Variants in ZNF324B observed in about 807,000 individuals in gnomAD.
ZNF324B encodes zinc finger protein 324B.
ZNF324B carries 7 observed loss-of-function variants against 10.6 expected under a neutral mutation model. That is an observed-to-expected ratio of 0.66 (90% CI 0.38 to 1.24). ZNF324B has a LOEUF of 1.24. Among genes scored for constraint, ZNF324B ranks in the 50% most tolerant of loss-of-function variants. The probability of loss-of-function intolerance (pLI) is 0.02; values close to 1 mark genes in which losing one functional copy is unlikely to be tolerated. For synonymous variants in ZNF324B, 316 were observed against 321.0 expected (o/e 0.98, Z 0.17); for missense variants, 640 against 764.7 (o/e 0.84, Z 1.92).
At chr19:58,422,003 C>T in the ZNF324B span, among the ~76,000 whole-genome samples, 22 of 152,188 alleles carry the variant, frequency 1.4e-4, no homozygotes, top group African/African-American at 4.8e-4. Context: ...CTGCAACCTC[C>T]GCGTCCCGGG....
the ZNF324B span, among the ~76,000 whole-genome samples, chr19:58,425,398 T>A: frequency 1.3e-5 from 2 of 150,620 alleles, no homozygotes; most frequent in Non-Finnish European, 3.0e-5. Context: ...CTCTTTTCCT[T>A]ATAAACTATC....
chr19:58,420,459 C>T, the ZNF324B span, among the ~76,000 whole-genome samples: 12 of 151,200 alleles, frequency 7.9e-5, no homozygotes, highest in African/African-American at 2.4e-4. Context: ...TCAGGATTGG[C>T]GGCTCATGCC....
Position 58,455,322 on chromosome 19 carries a change from G to C in ZNF324B, c.378G>C (p.Pro126=). ...GTGTAAAAAGCCTGCAGCGACAACC[G>C]GGTGCCTCCCCATCTCAGGAGAGAA... ...CHSVKSLQRQ[P]GASPSQERKP... The change falls in exon 4 of 4, where the codon CCG becomes CCC. Residue 126 remains proline, a synonymous_variant. Coordinates refer to ENST00000336614, the MANE Select transcript of ZNF324B (RefSeq NM_207395.3). This position sits in a 1 kb window ranked among gnomAD's most constrained non-coding sequence, Gnocchi z 7.0. The C allele has an allele frequency of 3.1e-6, 5 of 1,614,222 alleles. No individual in the cohort carries two copies. The highest frequency in any genetic ancestry group is 4.2e-6 in the Non-Finnish European group (5 of 1,180,038).
chr19:58,454,481 C>T (rs1348075904), intron 3 of ZNF324B, 137 bp downstream of exon 3: 2 of 645,754 alleles, frequency 3.1e-6, no homozygotes, highest in East Asian at 2.7e-5. Flanking sequence ...TCAGCCTCTC[C>T]TGGAGGCTGC....
the ZNF324B span, among the ~76,000 whole-genome samples, chr19:58,419,474 A>G: frequency 6.6e-6 from 1 of 152,228 alleles, no homozygotes; most frequent in Non-Finnish European, 1.5e-5. Context: ...CTAAAGAGGC[A>G]TCCACAAATG....
chr19:58,422,427 A>G, the ZNF324B span, among the ~76,000 whole-genome samples: 1 of 152,170 alleles, frequency 6.6e-6, no homozygotes, highest in African/African-American at 2.4e-5. Context: ...GGCAAGAGAA[A>G]AGAAAAGGTA....
intron 2 of ZNF324B, 32 bp from the exon 3 acceptor site, chr19:58,454,196 G>A: frequency 6.8e-7 from 1 of 1,471,542 alleles, no homozygotes; most frequent in African/African-American, 1.5e-5. Context: ...GTCTTGACCT[G>A]GGGCTGGGCT....
the ZNF324B span, chr19:58,433,833 G>A: frequency 1.9e-6 from 3 of 1,614,240 alleles, no homozygotes; most frequent in African/African-American, 1.3e-5. Flanking sequence ...TTTCTCCAGT[G>A]TGAATTCTCC....
chr19:58,451,779 G>T, intron 1 of ZNF324B, 75 bp downstream of exon 1: 1 of 323,002 alleles, frequency 3.1e-6, no homozygotes, highest in African/African-American at 2.3e-5. Flanking sequence ...CCCGGGGGCG[G>T]TCGGGCCCCG....
chr19:58,428,868 C>T, the ZNF324B span: 200 of 152,302 alleles, frequency 1.3e-3, 2 homozygotes, highest in African/African-American at 4.6e-3. Context: ...ACCAGTTATG[C>T]CTGCCTACTG....
chr19:58,442,375 C>G, the ZNF324B span: 2 of 150,490 alleles, frequency 1.3e-5, no homozygotes, highest in South Asian at 4.2e-4. Context: ...GGGGTTTCAC[C>G]TTGTTAGCCA....
the ZNF324B span, chr19:58,433,899 A>G: frequency 6.2e-7 from 1 of 1,614,204 alleles, no homozygotes; most frequent in Non-Finnish European, 8.5e-7. Context: ...CGCTGCACTC[A>G]TAAGGCCTTT....
At chr19:58,427,186 A>C in the ZNF324B span, among the ~76,000 whole-genome samples, 2 of 151,956 alleles carry the variant, frequency 1.3e-5, no homozygotes, top group Admixed American at 1.3e-4. Context: ...GCTGGAGTGC[A>C]ATGGCGTGAT....
chr19:58,431,976 C>T, the ZNF324B span, among the ~76,000 whole-genome samples: 46 of 151,872 alleles, frequency 3.0e-4, no homozygotes, highest in African/African-American at 1.0e-3. Flanking sequence ...GCTTGGGCGA[C>T]AGAGCAAGAC....
chr19:58,421,538 G>A, the ZNF324B span, among the ~76,000 whole-genome samples: 1 of 151,982 alleles, frequency 6.6e-6, no homozygotes, highest in African/African-American at 2.4e-5. Flanking sequence ...GCCGCACCAT[G>A]CCCGGCTAAT....
chr19:58,420,190 A>G, the ZNF324B span, among the ~76,000 whole-genome samples: 74,134 of 151,740 alleles, frequency 0.49, 18,415 homozygotes, highest in African/African-American at 0.56. Context: ...AGGCCGAGGC[A>G]GGTGGATCAT....
chr19:58,453,530 G>A (rs1321722262), intron 1 of ZNF324B, among the ~76,000 whole-genome samples, 166 bp from the exon 2 acceptor site: 1 of 152,160 alleles, frequency 6.6e-6, no homozygotes, highest in Non-Finnish European at 1.5e-5. Context: ...GAGGGCAGAG[G>A]GGAGGGGTCC....
At chr19:58,452,714 A>T (rs2052872502) in intron 1 of ZNF324B, 19 of 938,564 alleles carry the variant, frequency 2.0e-5, no homozygotes, top group African/African-American at 3.5e-5. Flanking sequence ...TCCTGGGCTG[A>T]GGACAGGGCC....
At chr19:58,447,689 T>G (rs1471528122), upstream of ZNF324B, among the ~76,000 whole-genome samples, 1 of 152,146 alleles carries the variant, frequency 6.6e-6, no homozygotes, top group East Asian at 1.9e-4. Flanking sequence ...AGAAACATGG[T>G]GAAACCTCGT....
Sources: allele counts gnomAD v4.1 joint callset (sites outside exome capture counted in the v4.1 genomes callset), GRCh38; gene constraint gnomAD v4.1.1; non-coding constraint Gnocchi (gnomAD v3.1); transcripts MANE v1.5; gene names NCBI Gene and HGNC (gene_info 2026-07-23, HGNC 2026-07-21).